The following FAM168A variants were observed in gnomAD, a reference collection of about 807,000 sequenced individuals.
The protein encoded by FAM168A is family with sequence similarity 168 member A.
Under a neutral mutation model 28.5 loss-of-function variants are expected in FAM168A, and 3 were observed. The ratio of observed to expected loss-of-function variants is 0.11; its 90% CI spans 0.05 to 0.27. The LOEUF is 0.27. Ranked by LOEUF, FAM168A falls within the 10% of genes least tolerant of loss-of-function variation. The probability of loss-of-function intolerance (pLI) is 1.00; values close to 1 mark genes in which losing one functional copy is unlikely to be tolerated. For missense variants in FAM168A, 222 were observed against 311.5 expected, an observed-to-expected ratio of 0.71 and a Z score of 2.16; for synonymous variants, 122 against 124.2, an observed-to-expected ratio of 0.98 and a Z score of 0.12.
chr11:73,562,379 A>G (rs955981199), intron 1 of FAM168A, among the ~76,000 whole-genome samples: 1 of 152,226 alleles, frequency 6.6e-6, no homozygotes, highest in Admixed American at 6.5e-5. Context: ...GTCCTTATAA[A>G]CAGTATCATT....
rs923326466 is a variant in FAM168A, at chr11:73,545,702, T to C, written c.-19+52221A>G. On this transcript the variant is annotated intron_variant, in intron 1 of 7. Transcript: ENST00000356467. The stretch of plus-strand genomic sequence containing the variant: ...TATATACTTTTTTTTTTTTTTTTTT[T>C]TTTTGGAGACAGAGTCTTGCTCTGT... Among the ~76,000 whole-genome samples, 53 of 145,444 alleles carry C rather than the reference T, an allele frequency of 3.6e-4. No individual in the cohort carries two copies. In the East Asian group the frequency reaches 4.7e-3, roughly 13 times the overall value.
intron 3 of FAM168A, among the ~76,000 whole-genome samples, chr11:73,427,311 A>G (rs1321811219): frequency 1.3e-5 from 2 of 152,052 alleles, no homozygotes; most frequent in African/African-American, 2.4e-5. Flanking sequence ...TTGACTTTTA[A>G]AAACAAAATT....
intron 2 of FAM168A, among the ~76,000 whole-genome samples, chr11:73,446,977 G>A (rs1226893579): frequency 6.6e-6 from 1 of 152,178 alleles, no homozygotes; most frequent in Non-Finnish European, 1.5e-5. Context: ...TCCAGCTCTT[G>A]CACATTTAGA....
rs56294455 is a variant in FAM168A at position 73,445,419 on chromosome 11, C to CTTTTTT, written c.71-14655_71-14650dup. ...CCAGTAGATATATGTAAAAATGTCT[C>CTTTTTT]TTTTTTTTTTTTTTTTTTTTTTTTT... is the stretch of plus-strand genomic sequence containing the variant. On this transcript the variant is annotated intron_variant, in intron 2 of 7. Coordinates refer to ENST00000356467, the MANE Select transcript of FAM168A (RefSeq NM_015159.3). 5.0e-4 allele frequency among the ~76,000 whole-genome samples: 25 copies of CTTTTTT among 50,456 alleles called. 1 individual carries two copies. Among genetic ancestry groups the CTTTTTT allele is most frequent in the African/African-American group, 1.1e-3 (16 of 14,030 alleles). 33.1% of individuals were successfully genotyped at this position (50,456 alleles called of 152,430 possible).
At chr11:73,530,943 T>A (rs1458931075) in intron 1 of FAM168A, among the ~76,000 whole-genome samples, 1 of 152,048 alleles carries the variant, frequency 6.6e-6, no homozygotes, top group African/African-American at 2.4e-5. Context: ...ACAATAAACA[T>A]GTAGCAAACA....
intron 1 of FAM168A, among the ~76,000 whole-genome samples, chr11:73,539,618 C>T (rs1943628805): frequency 6.6e-6 from 1 of 152,182 alleles, no homozygotes; most frequent in Admixed American, 6.6e-5. Context: ...TCTAGCTACA[C>T]TCTCAGGACT....
intron 1 of FAM168A, among the ~76,000 whole-genome samples, chr11:73,583,908 G>C (rs1396911464): frequency 6.6e-6 from 1 of 152,162 alleles, no homozygotes; most frequent in African/African-American, 2.4e-5. Context: ...TAAGTCAAGA[G>C]TTTAACACTA....
Position 73,430,806 on chromosome 11 carries a change from C to CA in FAM168A, c.71-37dup, listed in dbSNP as rs552699471. The CA allele has an allele frequency of 7.0e-4, 1,007 of 1,429,594 alleles. 2 individuals carry two copies. The highest frequency in any genetic ancestry group is 1.7e-3 in the Middle Eastern group (9 of 5,340). The allele number at this position is 1,429,594 out of a possible 1,614,324, so 88.6% of individuals were successfully genotyped here. ...ATAAGAAAAGGCTTATTTAGTTAGGCAAAAAAAACAAAACAAAACAAAACA... is the reference window on the plus strand; with the variant it reads ...ATAAGAAAAGGCTTATTTAGTTAGGCAAAAAAAAACAAAACAAAACAAAACA... On this transcript the variant is annotated intron_variant, in intron 2 of 7. Coordinates refer to ENST00000356467, the MANE Select transcript of FAM168A (RefSeq NM_015159.3).
At chr11:73,449,333 G>A (rs1867383805) in intron 2 of FAM168A, among the ~76,000 whole-genome samples, 1 of 152,156 alleles carries the variant, frequency 6.6e-6, no homozygotes, top group African/African-American at 2.4e-5. Flanking sequence ...TGCATAGTGA[G>A]TGATAAAACA....
At chr11:73,498,209 A>G (rs1854933839) in intron 1 of FAM168A, among the ~76,000 whole-genome samples, 1 of 152,132 alleles carries the variant, frequency 6.6e-6, no homozygotes, top group Admixed American at 6.5e-5. Flanking sequence ...CCGGCCACCA[A>G]GGATCTAGGT....
intron 1 of FAM168A, among the ~76,000 whole-genome samples, chr11:73,493,077 T>C (rs1854790811): frequency 6.6e-6 from 1 of 152,012 alleles, no homozygotes; most frequent in Non-Finnish European, 1.5e-5. Context: ...CTACGCTCAC[T>C]ACCTGGGTGA....
chr11:73,451,093 A>G (rs1867420228), intron 2 of FAM168A, among the ~76,000 whole-genome samples: 1 of 152,048 alleles, frequency 6.6e-6, no homozygotes, highest in Non-Finnish European at 1.5e-5. Flanking sequence ...AATTCTGAGA[A>G]CCCCTTCATG....
intron 1 of FAM168A, among the ~76,000 whole-genome samples, chr11:73,505,274 C>CA (rs1855087395): frequency 6.7e-6 from 1 of 150,144 alleles, no homozygotes; most frequent in Non-Finnish European, 1.5e-5. Flanking sequence ...ACTTTGGAGA[C>CA]AGAGAGCTCA....
chr11:73,543,097 C>T (rs531325351), intron 1 of FAM168A, among the ~76,000 whole-genome samples: 5 of 152,160 alleles, frequency 3.3e-5, no homozygotes, highest in South Asian at 2.1e-4. Flanking sequence ...AAAATAGCTC[C>T]TACCCTTTCA....
chr11:73,533,567 C>A (rs3132762), intron 1 of FAM168A, among the ~76,000 whole-genome samples: 103,352 of 131,174 alleles, frequency 0.79, 37,815 homozygotes, highest in East Asian at 0.94. Context: ...GAGAAAAGGC[C>A]AAAAAAAAAA....
intron 3 of FAM168A, among the ~76,000 whole-genome samples, chr11:73,426,085 T>C (rs1006555860): frequency 7.9e-5 from 12 of 152,238 alleles, no homozygotes; most frequent in Non-Finnish European, 1.6e-4. Context: ...AGGGATGCAG[T>C]GAAATCAAAT....
Position 73,531,802 on chromosome 11 carries a change from C to CATTT in FAM168A, c.-18-63311_-18-63310insAAAT, listed in dbSNP as rs1392629380. On this transcript the variant is annotated intron_variant, in intron 1 of 7. Coordinates refer to ENST00000356467, the MANE Select transcript of FAM168A (RefSeq NM_015159.3). The stretch of plus-strand genomic sequence containing the variant: ...CCTGCAAAGCACAGACCAAGTATCA[C>CATTT]TTTTTTTTTTTTTTTTTTTTGAGAC... Among the ~76,000 whole-genome samples, 7 of 121,798 alleles carry CATTT rather than the reference C, an allele frequency of 5.7e-5. No individual in the cohort carries two copies. The Admixed American group carries it at 5.9e-4, about 10-fold the overall frequency. The allele number at this position is 121,798 out of a possible 152,430, so 79.9% of individuals were successfully genotyped here. A position where few individuals can be genotyped will look rare whatever the true frequency, so the allele number is the denominator to read the frequency against.
chr11:73,470,015 G>A (rs1417129412), intron 1 of FAM168A, among the ~76,000 whole-genome samples: 2 of 152,010 alleles, frequency 1.3e-5, no homozygotes, highest in Non-Finnish European at 2.9e-5. Context: ...GGGTTCAAGC[G>A]ATTCTCCAGC....
At chr11:73,443,955 AC>A (rs1867253122) in intron 2 of FAM168A, among the ~76,000 whole-genome samples, 1 of 152,050 alleles carries the variant, frequency 6.6e-6, no homozygotes, top group African/African-American at 2.4e-5. Context: ...CTTCGTAGAG[AC>A]CCATCTAAAC....
Sources: allele counts gnomAD v4.1 joint callset (sites outside exome capture counted in the v4.1 genomes callset), GRCh38; gene constraint gnomAD v4.1.1; transcripts MANE v1.5; gene names NCBI Gene and HGNC (gene_info 2026-07-23, HGNC 2026-07-21).